CEACAM1: variants seen among roughly 807,000 people sequenced by gnomAD.
CEACAM1 encodes CEA cell adhesion molecule 1, also known as cell adhesion molecule CEACAM1.
In CEACAM1, 31 loss-of-function variants were observed where a neutral mutation model predicts 49.1. The ratio of observed to expected loss-of-function variants is 0.63; its 90% CI spans 0.47 to 0.85. The LOEUF is 0.85. Ranked by LOEUF, CEACAM1 falls within the 40% of genes least tolerant of loss-of-function variation. The pLI, the probability that CEACAM1 is intolerant of heterozygous loss-of-function variation, is 0.00. For synonymous variants in CEACAM1, 244 were observed against 247.8 expected, an observed-to-expected ratio of 0.98 and a Z score of 0.14; for missense variants, 570 against 645.3, an observed-to-expected ratio of 0.88 and a Z score of 1.26.
In CEACAM1 at chr19:42,519,122, G is replaced by T; in HGVS notation, c.1072C>A (p.Arg358Ser). 6 of 1,614,176 alleles carry T rather than the reference G, an allele frequency of 3.7e-6. No homozygotes were observed. Among genetic ancestry groups the T allele is most frequent in the Non-Finnish European group, 5.1e-6 (6 of 1,180,030 alleles). ...AGACTCTGGTTTTTGAAGAACCAAC[G>T]GATGGAGATTCCAGTGTCATTTGTG... Reference protein sequence around the residue: ...CSTNDTGISIRWFFKNQSLPS... With the variant: ...CSTNDTGISISWFFKNQSLPS... Residue 358 changes from arginine (R) to serine (S), a missense_variant, in exon 5 of 9, where the codon CGT becomes AGT. Arg to Ser is a moderately radical substitution (Grantham distance 110, BLOSUM62 -1). Transcript: ENST00000161559.
intron 5 of CEACAM1, 23 bp downstream of exon 5, chr19:42,518,925 G>A: frequency 1.2e-6 from 2 of 1,613,516 alleles, no homozygotes; most frequent in Non-Finnish European, 1.7e-6. Flanking sequence ...GGGACATATA[G>A]GAAGGGGTGA....
At chr19:42,527,604 GTCATTTC>G in intron 1 of CEACAM1, 1 of 678,380 alleles carries the variant, frequency 1.5e-6, no homozygotes, top group South Asian at 2.8e-5. Flanking sequence ...CTCTGACCTT[GTCATTTC>G]TCTGGAATGC....
intron 6 of CEACAM1, 59 bp from the exon 7 acceptor site, chr19:42,511,687 A>G (rs2041460863): frequency 6.5e-7 from 1 of 1,535,350 alleles, no homozygotes; most frequent in Non-Finnish European, 9.0e-7. Context: ...TTGTTCCGTA[A>G]GTTAGGAAGG....
intron 5 of CEACAM1, among the ~76,000 whole-genome samples, chr19:42,516,614 C>T (rs78384938): frequency 2.6e-4 from 39 of 152,212 alleles, no homozygotes; most frequent in African/African-American, 8.9e-4. Flanking sequence ...ATCAAAATTC[C>T]AGTAATATTT....
Position 42,521,437 on chromosome 19 carries a change from G to T in CEACAM1, c.788C>A (p.Ser263Tyr). 2 of 1,614,210 alleles carry T rather than the reference G, an allele frequency of 1.2e-6. No homozygotes were observed. Among genetic ancestry groups the T allele is most frequent in the Non-Finnish European group, 1.7e-6 (2 of 1,180,032 alleles). ...ANLSLSCYAA[S>Y]NPPAQYSWLI... ...CCAGGAGTACTGTGCAGGTGGGTTA[G>T]AGGCTGCATAGCAGGAGAGGCTGAG... Residue 263 changes from serine (S) to tyrosine (Y), a missense_variant, in exon 4 of 9, where the codon TCT (serine) becomes TAT (tyrosine). Ser to Tyr is a moderately radical substitution (Grantham distance 144). Coordinates refer to ENST00000161559, the MANE Select transcript of CEACAM1 (RefSeq NM_001712.5).
intron 2 of CEACAM1, among the ~76,000 whole-genome samples, 191 bp downstream of exon 2, chr19:42,526,850 G>C: frequency 6.6e-6 from 1 of 152,112 alleles, no homozygotes; most frequent in Non-Finnish European, 1.5e-5. Context: ...AATGTCTGCA[G>C]GATCAGGACT....
chr19:42,521,005 C>T (rs887798705), intron 4 of CEACAM1: 7 of 471,702 alleles, frequency 1.5e-5, no homozygotes, highest in Non-Finnish European at 2.3e-5. Flanking sequence ...TCTGTGAAGC[C>T]CCTCCTGCTA....
chr19:42,521,095 A>T, intron 4 of CEACAM1, 172 bp downstream of exon 4: 1 of 740,272 alleles, frequency 1.4e-6, no homozygotes, highest in Non-Finnish European at 2.3e-6. Flanking sequence ...AAATCAGAAA[A>T]ACAAAGGGAA....
intron 5 of CEACAM1, among the ~76,000 whole-genome samples, chr19:42,514,365 A>T (rs143911700): frequency 0.025 from 3,828 of 152,230 alleles, 69 homozygotes; most frequent in Non-Finnish European, 0.039. Flanking sequence ...TCCCGACCTC[A>T]GGTGACCCGC....
chr19:42,511,722 G>C, intron 6 of CEACAM1, 94 bp from the exon 7 acceptor site: 1 of 1,200,768 alleles, frequency 8.3e-7, no homozygotes, highest in Non-Finnish European at 1.2e-6. Context: ...TAATTCCTTA[G>C]AGTCCTTGAT....
rs1294726562 is a variant in CEACAM1, at chr19:42,523,763, T to C, written c.425-1561A>G. Reference sequence around the variant, plus strand: ...ATACTCTGGATCTAACACCAATTAATAAGAGGAATATTCTCTAGAGAGCGT... The same window carrying C: ...ATACTCTGGATCTAACACCAATTAACAAGAGGAATATTCTCTAGAGAGCGT... On this transcript the variant is annotated intron_variant, in intron 2 of 8. Transcript: ENST00000161559. 3.9e-5 allele frequency among the ~76,000 whole-genome samples: 6 copies of C among 152,360 alleles called. No homozygotes were observed. The East Asian group carries it at 1.2e-3, about 29-fold the overall frequency.
rs548807046 is a variant in CEACAM1 at position 42,508,140 on chromosome 19, C to T, written c.*969G>A. The T allele has an allele frequency of 6.6e-6, 1 of 152,244 alleles. No homozygotes were observed. Among genetic ancestry groups the T allele is most frequent in the East Asian group, 1.9e-4 (1 of 5,192 alleles). 9.4% of individuals were successfully genotyped at this position (152,244 alleles called of 1,614,324 possible). The stretch of plus-strand genomic sequence containing the variant: ...CATAGCTAAGCTAAGTAAAAATAAC[C>T]CTTTTCACATAAATAAGCAGTTACA... On this transcript the variant is annotated 3_prime_UTR_variant, in exon 9 of 9. Coordinates refer to ENST00000161559, the MANE Select transcript of CEACAM1 (RefSeq NM_001712.5).
In CEACAM1 at chr19:42,522,035, T is replaced by C. The variant is rs1441772736; in HGVS notation, c.592A>G (p.Arg198Gly). 5 of 1,614,236 alleles carry C rather than the reference T, an allele frequency of 3.1e-6. No homozygotes were observed. The highest frequency in any genetic ancestry group is 4.2e-6 in the Non-Finnish European group (5 of 1,180,036). ...GTGACACTGAGTAGAGTGAGGGTCC[T>C]GTTGCCATTGGACAGCTGCAGCCTG... ...SPRLQLSNGN[R>G]TLTLLSVTRN... The change falls in exon 3 of 9, where the codon AGG becomes GGG. Residue 198 changes from arginine (R) to glycine (G), a missense_variant. Coordinates refer to ENST00000161559, the MANE Select transcript of CEACAM1 (RefSeq NM_001712.5).
rs202169977 is a variant in CEACAM1, at chr19:42,518,939, G to A, written c.1246+9C>T. 90 of 1,614,120 alleles carry A rather than the reference G, an allele frequency of 5.6e-5. No homozygotes were observed. Among genetic ancestry groups the A allele is most frequent in the Non-Finnish European group, 7.1e-5 (84 of 1,179,964 alleles). The stretch of plus-strand genomic sequence containing the variant: ...AGGGACATATAGGAAGGGGTGAGGA[G>A]TCACTTACAGTTTACGTTCAGCATG... On this transcript the variant is annotated intron_variant, in intron 5 of 8. Transcript: ENST00000161559.
At chr19:42,512,510 G>A in intron 5 of CEACAM1, 31 bp from the exon 6 acceptor site, 1 of 1,603,984 alleles carries the variant, frequency 6.2e-7, no homozygotes, top group South Asian at 1.1e-5. Context: ...GAGAAGAAAT[G>A]AAAGTGAAAT....
chr19:42,515,452 T>C (rs971799386), intron 5 of CEACAM1, among the ~76,000 whole-genome samples: 5 of 152,102 alleles, frequency 3.3e-5, no homozygotes, highest in African/African-American at 1.2e-4. Flanking sequence ...GGCAGGTGTA[T>C]CACTTGAGCT....
Position 42,519,367 on chromosome 19 carries a change from A to G in CEACAM1, c.959-132T>C, listed in dbSNP as rs915257174. 3.7e-6 allele frequency: 3 copies of G among 814,816 alleles called. No homozygotes were observed. The African/African-American group carries it at 5.1e-5, about 14-fold the overall frequency. The allele number at this position is 814,816 out of a possible 1,614,324, so 50.5% of individuals were successfully genotyped here. On this transcript the variant is annotated intron_variant, in intron 4 of 8. Coordinates refer to ENST00000161559, the MANE Select transcript of CEACAM1 (RefSeq NM_001712.5). ...ACAGTGAGCTGTGCAAAGGTCACCA[A>G]CCAGGGGATAGCCCTGACCCTCTGC... is the stretch of plus-strand genomic sequence containing the variant.
At position 42,521,375 on chromosome 19, in the gene CEACAM1, G is replaced by T; in HGVS notation, c.850C>A (p.Leu284Ile). ...NGTFQQSTQE[L>I]FIPNITVNNS... ...TTCACAGTGATGTTAGGGATAAAGAGCTCTTGTGTGCTTTGCTGGAATGTT... is the reference window on the plus strand; with the variant it reads ...TTCACAGTGATGTTAGGGATAAAGATCTCTTGTGTGCTTTGCTGGAATGTT... The change falls in exon 4 of 9, where the codon CTC becomes ATC. Residue 284 changes from leucine to isoleucine, a missense_variant. Leu to Ile is a conservative substitution (Grantham distance 5). Transcript: ENST00000161559. 6.2e-7 allele frequency: 1 copy of T among 1,614,212 alleles called. No homozygotes were observed. Among genetic ancestry groups the T allele is most frequent in the Non-Finnish European group, 8.5e-7 (1 of 1,180,042 alleles).
At chr19:42,519,674 A>G (rs966761305) in intron 4 of CEACAM1, among the ~76,000 whole-genome samples, 3 of 149,956 alleles carry the variant, frequency 2.0e-5, no homozygotes, top group Non-Finnish European at 4.4e-5. Flanking sequence ...GGTTCAAGCC[A>G]TTCTCCTGCC....
Sources: gnomAD v4.1 joint callset for allele counts (sites outside exome capture counted in the v4.1 genomes callset) on GRCh38, gnomAD v4.1.1 for gene constraint, MANE v1.5 for transcripts, NCBI Gene and HGNC (gene_info 2026-07-23, HGNC 2026-07-21) for gene names.